Variants in SIN3A observed in about 807,000 individuals in gnomAD.
The protein encoded by SIN3A is paired amphipathic helix protein Sin3a.
A neutral mutation model predicts 146.1 loss-of-function variants in SIN3A; 14 were observed. That is an observed-to-expected ratio of 0.10 (90% CI 0.06 to 0.15). SIN3A has a LOEUF of 0.15. Among genes scored for constraint, SIN3A ranks in the 10% least tolerant of loss-of-function variants. SIN3A has a pLI of 1.00. For synonymous variants in SIN3A, 572 were observed against 572.0 expected (o/e 1.00, Z 0.00); for missense variants, 1,028 against 1,576.0 (o/e 0.65, Z 5.89).
chr15:75,394,553 C>A, intron 14 of SIN3A, 127 bp downstream of exon 14: 1 of 658,832 alleles, frequency 1.5e-6, no homozygotes, highest in Non-Finnish European at 2.5e-6. Flanking sequence ...GCTATGACAG[C>A]TATCAAGCAA....
chr15:75,384,712 G>A (rs1200023582), intron 16 of SIN3A, among the ~76,000 whole-genome samples: 1 of 151,952 alleles, frequency 6.6e-6, no homozygotes, highest in African/African-American at 2.4e-5. Flanking sequence ...CAGGATAATC[G>A]TACTATTTAA....
upstream of SIN3A, among the ~76,000 whole-genome samples, chr15:75,454,679 G>C (rs982457014): frequency 2.7e-5 from 4 of 148,772 alleles, no homozygotes; most frequent in Admixed American, 1.3e-4. Flanking sequence ...GCGCGCACAC[G>C]CCCGCGCCCC....
At position 75,392,835 on chromosome 15, in the gene SIN3A, A is replaced by G. The variant is rs1289573360; in HGVS notation, c.2278-20T>C. 3.9e-6 allele frequency: 6 copies of G among 1,548,766 alleles called. No homozygotes were observed. The Admixed American group carries it at 5.3e-5, about 14-fold the overall frequency. Reference sequence around the variant, plus strand: ...TTGCCTCTGATGGGACAGAGACACAAAAGTATTCTGTGAGATGTCTACAGC... The same window carrying G: ...TTGCCTCTGATGGGACAGAGACACAGAAGTATTCTGTGAGATGTCTACAGC... On this transcript the variant is annotated intron_variant, in intron 14 of 20. Coordinates refer to ENST00000394947, the MANE Select transcript of SIN3A (RefSeq NM_001145358.2).
At chr15:75,455,740 A>G (rs1353237544), upstream of SIN3A, 2 of 152,092 alleles carry the variant, frequency 1.3e-5, no homozygotes, top group Non-Finnish European at 2.9e-5. Context: ...TAGCCCCCCA[A>G]ACGCCTGAGA....
chr15:75,445,380 CAAAAAAA>C (rs10539996), intron 1 of SIN3A, among the ~76,000 whole-genome samples: 15 of 63,602 alleles, frequency 2.4e-4, no homozygotes, highest in South Asian at 1.1e-3. Context: ...GACACTGTCT[CAAAAAAA>C]AAAAAAAAAA....
intron 10 of SIN3A, among the ~76,000 whole-genome samples, chr15:75,401,625 C>T (rs964117952): frequency 1.3e-5 from 2 of 152,164 alleles, no homozygotes. Context: ...GTTAGAAGAT[C>T]AGGAGACCAC....
At chr15:75,423,315 T>A (rs2141543279) in intron 2 of SIN3A, among the ~76,000 whole-genome samples, 1 of 152,080 alleles carries the variant, frequency 6.6e-6, no homozygotes, top group South Asian at 2.1e-4. Context: ...GAAACCCAAA[T>A]TTTCCACAAA....
At chr15:75,406,600 T>C (rs887222485) in intron 9 of SIN3A, among the ~76,000 whole-genome samples, 5 of 151,912 alleles carry the variant, frequency 3.3e-5, no homozygotes, top group African/African-American at 7.3e-5. Flanking sequence ...GGCAGGAGAA[T>C]GGCGTGAACC....
chr15:75,396,194 T>A, intron 13 of SIN3A, 64 bp downstream of exon 13: 1 of 1,153,394 alleles, frequency 8.7e-7, no homozygotes, highest in Non-Finnish European at 1.3e-6. Context: ...AGAGCCTTAT[T>A]TAATGAGACA....
intron 3 of SIN3A, chr15:75,420,919 T>C (rs2073830929): frequency 6.6e-6 from 1 of 152,184 alleles, no homozygotes; most frequent in African/African-American, 2.4e-5. Context: ...CCTAACTCTA[T>C]CTATGACTCA....
intron 1 of SIN3A, among the ~76,000 whole-genome samples, chr15:75,450,632 G>A (rs1439247066): frequency 6.6e-6 from 1 of 152,254 alleles, no homozygotes; most frequent in Admixed American, 6.5e-5. Flanking sequence ...CAGACACGCT[G>A]CATGGAGCAA....
chr15:75,380,352 G>A (rs934422737), intron 19 of SIN3A, among the ~76,000 whole-genome samples: 18 of 152,168 alleles, frequency 1.2e-4, no homozygotes, highest in African/African-American at 4.3e-4. Context: ...AGTCCTGTGA[G>A]TCCTCTTCCA....
intron 1 of SIN3A, among the ~76,000 whole-genome samples, 193 bp from the exon 2 acceptor site, chr15:75,430,601 A>T (rs2073998003): frequency 6.6e-6 from 1 of 152,196 alleles, no homozygotes; most frequent in African/African-American, 2.4e-5. Flanking sequence ...TAACTGAAAA[A>T]GACAAATATT....
chr15:75,424,649 A>T (rs1232057628), intron 2 of SIN3A, among the ~76,000 whole-genome samples: 1 of 152,050 alleles, frequency 6.6e-6, no homozygotes, highest in Non-Finnish European at 1.5e-5. Flanking sequence ...TAATTGTCGT[A>T]CTTTTTGTAG....
intron 1 of SIN3A, among the ~76,000 whole-genome samples, chr15:75,438,382 CA>C (rs34904347): frequency 0.56 from 84,482 of 149,646 alleles, 24,373 homozygotes; most frequent in African/African-American, 0.7. Context: ...ACAAAACAAA[CA>C]AAAAAAAAAC....
chr15:75,375,639 C>T, intron 20 of SIN3A, 26 bp downstream of exon 20: 2 of 1,594,118 alleles, frequency 1.3e-6, no homozygotes, highest in Non-Finnish European at 1.7e-6. Context: ...GAGATGTGTA[C>T]AGAAATTTCA....
chr15:75,410,079 C>T, intron 7 of SIN3A, 55 bp downstream of exon 7: 1 of 1,603,098 alleles, frequency 6.2e-7, no homozygotes, highest in South Asian at 1.1e-5. Context: ...CACAGTTTTC[C>T]AACTCATCTA....
At chr15:75,389,533 A>G in intron 16 of SIN3A, 119 bp downstream of exon 16, 1 of 966,980 alleles carries the variant, frequency 1.0e-6, no homozygotes, top group Non-Finnish European at 1.6e-6. Context: ...TCCTCTCTTC[A>G]GAACCCTACG....
intron 9 of SIN3A, among the ~76,000 whole-genome samples, chr15:75,402,198 G>A (rs2073424679): frequency 6.6e-6 from 1 of 152,064 alleles, no homozygotes; most frequent in Admixed American, 6.6e-5. Context: ...CAGCTGCCCT[G>A]CCATTAGTTT....
Sources: allele counts gnomAD v4.1 joint callset (sites outside exome capture counted in the v4.1 genomes callset), GRCh38; gene constraint gnomAD v4.1.1; transcripts MANE v1.5; gene names NCBI Gene and HGNC (gene_info 2026-07-23, HGNC 2026-07-21).